CNTNAP2: variants seen among roughly 807,000 people sequenced by gnomAD.
CNTNAP2 encodes the protein contactin associated protein 2, also known as contactin-associated protein-like 2.
CNTNAP2 carries 98 observed loss-of-function variants against 155.2 expected under a neutral mutation model. That is an observed-to-expected ratio of 0.63 (90% CI 0.54 to 0.75). The LOEUF (loss-of-function observed/expected upper bound fraction) is 0.75. CNTNAP2 is among the 30% of genes least tolerant of loss of function. CNTNAP2 has a pLI of 0.00. For synonymous variants in CNTNAP2, 651 were observed against 631.2 expected, an observed-to-expected ratio of 1.03 and a Z score of -0.47; for missense variants, 1,727 against 1,688.1, an observed-to-expected ratio of 1.02 and a Z score of -0.40.
At chr7:147,897,500 A>G (rs961988380) in intron 13 of CNTNAP2, among the ~76,000 whole-genome samples, 5 of 152,204 alleles carry the variant, frequency 3.3e-5, no homozygotes, top group African/African-American at 1.2e-4. Flanking sequence ...TTCCTTTGAG[A>G]GAATTTAGCA....
intron 11 of CNTNAP2, among the ~76,000 whole-genome samples, chr7:147,501,171 A>G (rs2116668231): frequency 6.6e-6 from 1 of 152,026 alleles, no homozygotes; most frequent in East Asian, 1.9e-4. Context: ...AGCATTTGAC[A>G]AAATTCAACA....
intron 14 of CNTNAP2, among the ~76,000 whole-genome samples, chr7:147,918,786 C>T (rs1366220571): frequency 6.6e-6 from 1 of 152,182 alleles, no homozygotes; most frequent in Non-Finnish European, 1.5e-5. Flanking sequence ...TATTTACCTG[C>T]TTGTCCCTGT....
chr7:147,256,264 G>A (rs1804323640), intron 8 of CNTNAP2, among the ~76,000 whole-genome samples: 1 of 152,108 alleles, frequency 6.6e-6, no homozygotes, highest in African/African-American at 2.4e-5. Context: ...GGGAGAAAAT[G>A]AGATCTTTCG....
chr7:147,952,239 T>TC (rs369019370), intron 14 of CNTNAP2, among the ~76,000 whole-genome samples: 6 of 70,802 alleles, frequency 8.5e-5, no homozygotes, highest in Admixed American at 1.6e-4. Context: ...GGTTGGGAGT[T>TC]TGAGACCAGC....
At chr7:146,216,466 T>C (rs1799114734) in intron 1 of CNTNAP2, among the ~76,000 whole-genome samples, 1 of 152,234 alleles carries the variant, frequency 6.6e-6, no homozygotes, top group Admixed American at 6.5e-5. Flanking sequence ...TTCAAAATCC[T>C]GCCTCAGCAC....
At chr7:147,856,900 C>T (rs1394900610) in intron 13 of CNTNAP2, among the ~76,000 whole-genome samples, 2 of 151,998 alleles carry the variant, frequency 1.3e-5, no homozygotes, top group Non-Finnish European at 2.9e-5. Context: ...TACCCCTCAC[C>T]CAAGGAAATC....
chr7:146,921,502 G>A (rs1469891647), intron 3 of CNTNAP2, among the ~76,000 whole-genome samples: 1 of 152,192 alleles, frequency 6.6e-6, no homozygotes, highest in South Asian at 2.1e-4. Context: ...TAAAATAGGG[G>A]TTTAATCGAC....
At chr7:146,981,236 AAG>A (rs1798011135) in intron 3 of CNTNAP2, among the ~76,000 whole-genome samples, 1 of 152,192 alleles carries the variant, frequency 6.6e-6, no homozygotes, top group African/African-American at 2.4e-5. Flanking sequence ...TCTGCTCCCA[AAG>A]AGTTATAACT....
chr7:146,585,108 G>GTTTTT, intron 1 of CNTNAP2, among the ~76,000 whole-genome samples: 1 of 147,562 alleles, frequency 6.8e-6, no homozygotes, highest in East Asian at 2.2e-4. Flanking sequence ...TTGGTGTTTT[G>GTTTTT]TTTTGTTTTG....
chr7:147,212,485 A>G (rs1364427251), intron 8 of CNTNAP2, among the ~76,000 whole-genome samples: 3 of 152,164 alleles, frequency 2.0e-5, no homozygotes, highest in Non-Finnish European at 4.4e-5. Context: ...TTAACACAGA[A>G]CAGAAAACCA....
rs141707349 is a variant in CNTNAP2, at chr7:146,276,501, A to G, written c.97+159528A>G. Among the ~76,000 whole-genome samples the G allele has an allele frequency of 2.5e-3, 378 of 152,328 alleles. 2 individuals carry two copies. The highest frequency in any genetic ancestry group is 8.5e-3 in the African/African-American group (353 of 41,562). ...TGTTTCAGTTTAAAAATACATATTAAACGTATAACATATACAAAGCACAAT... is the reference window on the plus strand; with the variant it reads ...TGTTTCAGTTTAAAAATACATATTAGACGTATAACATATACAAAGCACAAT... On this transcript the variant is annotated intron_variant, in intron 1 of 23. Coordinates refer to ENST00000361727, the MANE Select transcript of CNTNAP2 (RefSeq NM_014141.6).
intron 8 of CNTNAP2, among the ~76,000 whole-genome samples, chr7:147,222,771 C>T (rs1246630783): frequency 1.3e-5 from 2 of 150,660 alleles, no homozygotes; most frequent in East Asian, 1.9e-4. Context: ...CTTAGTACCC[C>T]TATGCCTTTG....
At chr7:148,206,355 T>C (rs1795449588) in intron 18 of CNTNAP2, among the ~76,000 whole-genome samples, 1 of 150,862 alleles carries the variant, frequency 6.6e-6, no homozygotes, top group South Asian at 2.1e-4. Flanking sequence ...ATATAACATA[T>C]TTAATATGAG....
At chr7:147,603,808 C>T (rs1801004846) in intron 12 of CNTNAP2, among the ~76,000 whole-genome samples, 1 of 152,150 alleles carries the variant, frequency 6.6e-6, no homozygotes, top group Non-Finnish European at 1.5e-5. Context: ...ATCATGCTAC[C>T]TGACTTCAAA....
chr7:146,841,643 C>G (rs571625609), intron 3 of CNTNAP2, among the ~76,000 whole-genome samples: 8 of 152,270 alleles, frequency 5.3e-5, no homozygotes, highest in Admixed American at 5.2e-4. Flanking sequence ...CTCTGAAATA[C>G]TGTTCTCTAT....
intron 1 of CNTNAP2, among the ~76,000 whole-genome samples, chr7:146,609,574 A>C (rs1041632253): frequency 6.6e-6 from 1 of 152,218 alleles, no homozygotes; most frequent in Admixed American, 6.5e-5. Flanking sequence ...AGGTCTTGGT[A>C]CATGAATTTT....
chr7:148,252,696 C>T (rs1796384306), intron 20 of CNTNAP2, among the ~76,000 whole-genome samples: 1 of 152,124 alleles, frequency 6.6e-6, no homozygotes, highest in Non-Finnish European at 1.5e-5. Context: ...TTCTCATAGC[C>T]CTTCACGCCA....
intron 8 of CNTNAP2, among the ~76,000 whole-genome samples, chr7:147,165,021 G>A (rs1427914957): frequency 6.6e-6 from 1 of 152,124 alleles, no homozygotes; most frequent in African/African-American, 2.4e-5. Context: ...TTGTTTCAAG[G>A]AAATCTATTG....
rs7357257 is a variant in CNTNAP2 at position 147,552,158 on chromosome 7, G to A, written c.1778-9980G>A. 3.4e-3 allele frequency among the ~76,000 whole-genome samples: 519 copies of A among 152,260 alleles called. 3 individuals are homozygous for A. Among genetic ancestry groups the A allele is most frequent in the African/African-American group, 0.012 (497 of 41,544 alleles). ...CCACTGTGTCCTTCTATGGCCTTCA[G>A]TTTTGGGCGGTGTATTTTGTTTGTT... On this transcript the variant is annotated intron_variant, in intron 11 of 23. Coordinates refer to ENST00000361727, the MANE Select transcript of CNTNAP2 (RefSeq NM_014141.6).
Sources: allele counts gnomAD v4.1 joint callset (sites outside exome capture counted in the v4.1 genomes callset), GRCh38; gene constraint gnomAD v4.1.1; transcripts MANE v1.5; gene names NCBI Gene and HGNC (gene_info 2026-07-23, HGNC 2026-07-21).